Variants in PHF24 observed in about 807,000 individuals in gnomAD.
The protein encoded by PHF24 is PHD finger protein 24.
In PHF24, 25 loss-of-function variants were observed where a neutral mutation model predicts 42.6. That is an observed-to-expected ratio of 0.59 (90% CI 0.43 to 0.82). The LOEUF (loss-of-function observed/expected upper bound fraction) is 0.82. Ranked by LOEUF, PHF24 falls within the 40% of genes least tolerant of loss-of-function variation. The probability of loss-of-function intolerance (pLI) is 0.00; values close to 1 mark genes in which losing one functional copy is unlikely to be tolerated. For missense variants in PHF24, 470 were observed against 538.1 expected (o/e 0.87, Z 1.25); for synonymous variants, 185 against 204.8 (o/e 0.90, Z 0.83).
At chr9:34,918,054 C>A in the PHF24 span, 2 of 1,368,558 alleles carry the variant, frequency 1.5e-6, no homozygotes, top group Non-Finnish European at 2.1e-6. Context: ...CAAAGGAGGC[C>A]TGGACAAGGC....
At chr9:34,852,110 T>C in the PHF24 span, among the ~76,000 whole-genome samples, 6 of 152,348 alleles carry the variant, frequency 3.9e-5, no homozygotes, top group Non-Finnish European at 8.8e-5. Flanking sequence ...ACAATGAAGA[T>C]GAAGACCTCT....
the PHF24 span, among the ~76,000 whole-genome samples, chr9:34,672,719 C>T: frequency 2.0e-5 from 3 of 152,190 alleles, no homozygotes; most frequent in African/African-American, 7.2e-5. Flanking sequence ...TTCATCAAGG[C>T]AGAGCCCTCA....
At chr9:34,971,533 T>C in exon 2 of PHF24, 1 of 1,614,018 alleles carries the variant, frequency 6.2e-7, no homozygotes, top group Non-Finnish European at 8.5e-7. Flanking sequence ...CCGCGCAGCC[T>C]GGGAGCGGCT....
the PHF24 span, among the ~76,000 whole-genome samples, chr9:34,909,843 G>T: frequency 3.3e-5 from 5 of 152,088 alleles, no homozygotes; most frequent in Admixed American, 6.5e-5. Context: ...AGGATGGTCT[G>T]GATCTCATCT....
chr9:34,714,629 G>C, the PHF24 span, among the ~76,000 whole-genome samples: 9 of 152,152 alleles, frequency 5.9e-5, no homozygotes, highest in Non-Finnish European at 2.9e-5. Flanking sequence ...GGCCTATTCT[G>C]CTCCCCATCC....
the PHF24 span, among the ~76,000 whole-genome samples, chr9:34,928,812 A>G: frequency 6.6e-6 from 1 of 152,176 alleles, no homozygotes; most frequent in Non-Finnish European, 1.5e-5. Flanking sequence ...CTGTCCTAGA[A>G]TCCACTTGGG....
the PHF24 span, among the ~76,000 whole-genome samples, chr9:34,668,280 G>A: frequency 6.6e-6 from 1 of 152,190 alleles, no homozygotes; most frequent in Non-Finnish European, 1.5e-5. Context: ...CCAGGCTAGA[G>A]AGACAGAGCC....
the PHF24 span, among the ~76,000 whole-genome samples, chr9:34,722,531 T>C: frequency 6.6e-6 from 1 of 152,218 alleles, no homozygotes; most frequent in African/African-American, 2.4e-5. Flanking sequence ...CCCCATGGGA[T>C]CATGAGCTCC....
At chr9:34,723,197 G>A in the PHF24 span, 7,168 of 1,538,652 alleles carry the variant, frequency 4.7e-3, 47 homozygotes, top group African/African-American at 0.028. Flanking sequence ...CTCCTTGAGC[G>A]GACCAATGTT....
the PHF24 span, among the ~76,000 whole-genome samples, chr9:34,703,165 A>G: frequency 6.6e-6 from 1 of 151,982 alleles, no homozygotes; most frequent in African/African-American, 2.4e-5. Flanking sequence ...TCATTCTGGT[A>G]GCCCCATAAT....
the PHF24 span, among the ~76,000 whole-genome samples, chr9:34,689,092 ATGG>A: frequency 1.3e-5 from 2 of 152,152 alleles, no homozygotes; most frequent in Admixed American, 1.3e-4. This position sits in a 1 kb window ranked among gnomAD's most constrained non-coding sequence, Gnocchi z 4.1. Context: ...AGGGAAGGGC[ATGG>A]GTGGATGGGT....
the PHF24 span, among the ~76,000 whole-genome samples, chr9:34,886,728 A>G: frequency 8.0e-6 from 1 of 125,202 alleles, no homozygotes; most frequent in Admixed American, 8.6e-5. Flanking sequence ...ATCTAGTCTC[A>G]TGGTTTTATA....
At chr9:34,747,249 T>C in the PHF24 span, among the ~76,000 whole-genome samples, 1 of 151,984 alleles carries the variant, frequency 6.6e-6, no homozygotes. Flanking sequence ...ACCCTGTCTC[T>C]ACAAAAAAAT....
chr9:34,887,441 G>A, the PHF24 span, among the ~76,000 whole-genome samples: 2 of 152,096 alleles, frequency 1.3e-5, no homozygotes, highest in East Asian at 3.8e-4. Flanking sequence ...CTTACCACTG[G>A]AGTCATCCTC....
chr9:34,811,764 A>C, the PHF24 span, among the ~76,000 whole-genome samples: 1 of 152,246 alleles, frequency 6.6e-6, no homozygotes, highest in Non-Finnish European at 1.5e-5. Context: ...TTTTGATACC[A>C]AAAGCATGAG....
the PHF24 span, among the ~76,000 whole-genome samples, chr9:34,944,966 A>G: frequency 6.6e-6 from 1 of 152,142 alleles, no homozygotes; most frequent in Non-Finnish European, 1.5e-5. Flanking sequence ...GGACCTCTTA[A>G]CTGTTAATCG....
chr9:34,939,073 G>A, the PHF24 span, among the ~76,000 whole-genome samples: 37 of 152,160 alleles, frequency 2.4e-4, no homozygotes, highest in Non-Finnish European at 4.4e-4. Context: ...GTGAAGCCAG[G>A]AGTTCAAGAC....
the PHF24 span, among the ~76,000 whole-genome samples, chr9:34,751,890 CAA>C: frequency 1.3e-5 from 2 of 151,646 alleles, no homozygotes; most frequent in Admixed American, 6.6e-5. Context: ...AACTCAATAA[CAA>C]GAGAAAATTT....
the PHF24 span, among the ~76,000 whole-genome samples, chr9:34,666,757 C>T: frequency 3.3e-5 from 5 of 151,950 alleles, no homozygotes. Flanking sequence ...ACCAGCCTGG[C>T]CAAGATGGTG....
Sources: gnomAD v4.1 joint callset for allele counts (sites outside exome capture counted in the v4.1 genomes callset) on GRCh38, gnomAD v4.1.1 for gene constraint, Gnocchi (gnomAD v3.1) non-coding constraint, MANE v1.5 for transcripts, NCBI Gene and HGNC (gene_info 2026-07-23, HGNC 2026-07-21) for gene names.